The following GPC5 variants were observed in gnomAD, a reference collection of about 807,000 sequenced individuals.
The protein encoded by GPC5 is glypican 5.
Under a neutral mutation model 53.9 loss-of-function variants are expected in GPC5, and 47 were observed. The ratio of observed to expected loss-of-function variants is 0.87; its 90% CI spans 0.69 to 1.11. GPC5 has a LOEUF of 1.11. Ranked by LOEUF, GPC5 falls within the 50% of genes most tolerant of loss-of-function variation. The pLI is 0.00. For missense variants in GPC5, 748 were observed against 713.1 expected (o/e 1.05, Z -0.56); for synonymous variants, 286 against 263.3 (o/e 1.09, Z -0.84).
intron 7 of GPC5, among the ~76,000 whole-genome samples, chr13:92,553,756 T>C (rs1189830372): frequency 1.3e-5 from 2 of 151,998 alleles, no homozygotes; most frequent in African/African-American, 4.8e-5. Flanking sequence ...ATCTCTAGTT[T>C]CTTCAACTTT....
At chr13:91,560,969 T>C (rs2031226592) in intron 2 of GPC5, among the ~76,000 whole-genome samples, 1 of 152,026 alleles carries the variant, frequency 6.6e-6, no homozygotes, top group Non-Finnish European at 1.5e-5. Flanking sequence ...CCTTCAAGCC[T>C]TCCCCAAAGG....
chr13:92,647,480 T>A (rs1885811874), intron 7 of GPC5, among the ~76,000 whole-genome samples: 1 of 152,072 alleles, frequency 6.6e-6, no homozygotes, highest in Non-Finnish European at 1.5e-5. Context: ...TACAGCACCC[T>A]CAGTTGACAG....
rs113157675 is a variant in GPC5, at chr13:91,738,401, A to C, written c.1154+9736A>C. Among the ~76,000 whole-genome samples the C allele has an allele frequency of 7.1e-3, 1,076 of 151,370 alleles. 83 individuals carry two copies. Among genetic ancestry groups the C allele is most frequent in the African/African-American group, 0.025 (1,032 of 40,730 alleles). On this transcript the variant is annotated intron_variant, in intron 4 of 7. Coordinates refer to ENST00000377067, the MANE Select transcript of GPC5 (RefSeq NM_004466.6). The stretch of plus-strand genomic sequence containing the variant: ...GCCTCACCATAACCGTGGTTGACTT[A>C]TAACTAATTTAACTAGCTACCTTTT...
chr13:91,698,858 G>C (rs2035936810), intron 3 of GPC5, among the ~76,000 whole-genome samples: 1 of 152,078 alleles, frequency 6.6e-6, no homozygotes, highest in Admixed American at 6.6e-5. Flanking sequence ...ACCTTCTCGT[G>C]GTCATGACAC....
At chr13:91,974,358 A>T (rs1325160312) in intron 6 of GPC5, among the ~76,000 whole-genome samples, 1 of 152,172 alleles carries the variant, frequency 6.6e-6, no homozygotes, top group Non-Finnish European at 1.5e-5. Flanking sequence ...ATGATTGTAT[A>T]TCTAGAAAAA....
intron 7 of GPC5, among the ~76,000 whole-genome samples, chr13:92,572,290 A>G (rs1406641006): frequency 1.3e-5 from 2 of 152,198 alleles, no homozygotes; most frequent in East Asian, 3.8e-4. Context: ...CTATGCTAAA[A>G]AGAGACAATT....
In GPC5 at chr13:92,364,491, G is replaced by A. The variant is rs1399434372; in HGVS notation, c.1561+219502G>A. On this transcript the variant is annotated intron_variant, in intron 7 of 7. Coordinates refer to ENST00000377067, the MANE Select transcript of GPC5 (RefSeq NM_004466.6). ...TACGCCTGTAATCCCAGCACTTTGG[G>A]AGGCCAAGGCGGGTGGATCACGAGG... is the stretch of plus-strand genomic sequence containing the variant. Among the ~76,000 whole-genome samples the A allele has an allele frequency of 2.6e-5, 4 of 151,770 alleles. 1 individual carries two copies. Among genetic ancestry groups the A allele is most frequent in the African/African-American group, 9.7e-5 (4 of 41,046 alleles).
chr13:92,760,928 ATTGT>A (rs1566406707), intron 7 of GPC5, among the ~76,000 whole-genome samples: 1 of 152,096 alleles, frequency 6.6e-6, no homozygotes, highest in African/African-American at 2.4e-5. Context: ...TCAGAAGCAT[ATTGT>A]TTAATTTCCA....
At chr13:92,707,760 G>T (rs926847852) in intron 7 of GPC5, among the ~76,000 whole-genome samples, 1 of 150,420 alleles carries the variant, frequency 6.6e-6, no homozygotes, top group African/African-American at 2.5e-5. Context: ...CAGTATATCT[G>T]CTTGGAAAAA....
At chr13:92,561,225 C>T (rs1882684574) in intron 7 of GPC5, among the ~76,000 whole-genome samples, 3 of 151,880 alleles carry the variant, frequency 2.0e-5, no homozygotes, top group African/African-American at 7.3e-5. Flanking sequence ...TTATGCTGCG[C>T]TTATTTACAT....
chr13:92,520,553 A>C (rs1177716750), intron 7 of GPC5, among the ~76,000 whole-genome samples: 1 of 152,222 alleles, frequency 6.6e-6, no homozygotes, highest in Non-Finnish European at 1.5e-5. Context: ...CAATAGATGC[A>C]GAAAAGGCCT....
chr13:91,538,413 A>T (rs1886684665), intron 2 of GPC5, among the ~76,000 whole-genome samples: 1 of 152,126 alleles, frequency 6.6e-6, no homozygotes, highest in Non-Finnish European at 1.5e-5. Flanking sequence ...AAGTATTGAA[A>T]ACATCAAAAT....
intron 7 of GPC5, among the ~76,000 whole-genome samples, chr13:92,664,206 A>AT (rs1886492304): frequency 6.6e-6 from 1 of 152,028 alleles, no homozygotes. Context: ...ATGAATCATC[A>AT]GAAATCAAAT....
intron 3 of GPC5, among the ~76,000 whole-genome samples, chr13:91,696,523 C>T (rs1433347467): frequency 1.3e-5 from 2 of 152,066 alleles, no homozygotes; most frequent in South Asian, 2.1e-4. Context: ...GTTCGCACAT[C>T]GATGAATTTA....
At chr13:91,827,823 G>T (rs2038597781) in intron 5 of GPC5, among the ~76,000 whole-genome samples, 1 of 151,876 alleles carries the variant, frequency 6.6e-6, no homozygotes, top group Non-Finnish European at 1.5e-5. Context: ...CCTTAACTTG[G>T]CAATATGTCA....
chr13:92,699,403 A>C (rs2139246475), intron 7 of GPC5, among the ~76,000 whole-genome samples: 1 of 148,376 alleles, frequency 6.7e-6, no homozygotes, highest in East Asian at 2.2e-4. Context: ...GAGTTTTTGA[A>C]GGGTTTTTTG....
intron 7 of GPC5, among the ~76,000 whole-genome samples, chr13:92,732,456 T>C (rs1888833659): frequency 6.6e-6 from 1 of 151,590 alleles, no homozygotes; most frequent in Admixed American, 6.6e-5. Flanking sequence ...GCCACTAAAT[T>C]GTATCCAATA....
chr13:92,737,828 G>A (rs570845633), intron 7 of GPC5, among the ~76,000 whole-genome samples: 45 of 138,874 alleles, frequency 3.2e-4, no homozygotes, highest in South Asian at 4.6e-4. Flanking sequence ...GTACAATGGC[G>A]TGATCTTGGC....
intron 6 of GPC5, among the ~76,000 whole-genome samples, chr13:92,016,350 G>A (rs1458159654): frequency 6.6e-6 from 1 of 152,126 alleles, no homozygotes; most frequent in Non-Finnish European, 1.5e-5. Flanking sequence ...TATTCTGCAG[G>A]AAACAAATTG....
Sources: allele counts gnomAD v4.1 joint callset (sites outside exome capture counted in the v4.1 genomes callset), GRCh38; gene constraint gnomAD v4.1.1; transcripts MANE v1.5; gene names NCBI Gene and HGNC (gene_info 2026-07-23, HGNC 2026-07-21).